SASH1: variants seen among roughly 807,000 people sequenced by gnomAD.
SASH1 encodes SAM and SH3 domain-containing protein 1.
In SASH1, 44 loss-of-function variants were observed where a neutral mutation model predicts 125.2. The ratio of observed to expected loss-of-function variants is 0.35; its 90% CI spans 0.28 to 0.45. The LOEUF (loss-of-function observed/expected upper bound fraction) is 0.45. Ranked by LOEUF, SASH1 falls within the 20% of genes least tolerant of loss-of-function variation. The pLI, the probability that SASH1 is intolerant of heterozygous loss-of-function variation, is 1.00. For missense variants in SASH1, 1,426 were observed against 1,614.5 expected, an observed-to-expected ratio of 0.88 and a Z score of 2.00; for synonymous variants, 639 against 649.1, an observed-to-expected ratio of 0.98 and a Z score of 0.24.
intron 2 of SASH1, among the ~76,000 whole-genome samples, chr6:148,431,224 G>A (rs1776046178): frequency 3.3e-5 from 5 of 151,402 alleles, no homozygotes; most frequent in South Asian, 2.1e-4. Flanking sequence ...TTTTTGAGAC[G>A]GAGTCACTCT....
intron 2 of SASH1, among the ~76,000 whole-genome samples, chr6:148,421,215 A>AAG (rs1554255027): frequency 4.1e-4 from 51 of 125,608 alleles, no homozygotes; most frequent in Non-Finnish European, 4.0e-4. Context: ...GAAAGAAAGA[A>AAG]AAAGAAAGAA....
chr6:148,530,319 G>A (rs1434064588), intron 12 of SASH1, among the ~76,000 whole-genome samples: 1 of 152,078 alleles, frequency 6.6e-6, no homozygotes, highest in African/African-American at 2.4e-5. Context: ...CAAACTGCGT[G>A]CTTTTTTCAG....
At chr6:148,231,393 T>C in the SASH1 span, among the ~76,000 whole-genome samples, 4 of 152,210 alleles carry the variant, frequency 2.6e-5, no homozygotes, top group Admixed American at 1.3e-4. Flanking sequence ...GGACAAAATT[T>C]TGGAATTGGG....
intron 8 of SASH1, chr6:148,513,938 T>C: frequency 4.0e-6 from 4 of 990,946 alleles, no homozygotes; most frequent in Non-Finnish European, 4.8e-6. Flanking sequence ...CAAGCCCTGA[T>C]GGGCCAGACA....
At chr6:148,356,130 G>C (rs1781928917) in intron 1 of SASH1, among the ~76,000 whole-genome samples, 1 of 150,476 alleles carries the variant, frequency 6.6e-6, no homozygotes, top group Non-Finnish European at 1.5e-5. Context: ...TATCCCCCAG[G>C]CTGGAGTGCA....
intron 4 of SASH1, among the ~76,000 whole-genome samples, chr6:148,460,840 A>T (rs1413556862): frequency 2.0e-5 from 3 of 152,216 alleles, no homozygotes; most frequent in African/African-American, 4.8e-5. Context: ...AGTAGAAGAG[A>T]AATCCTTGTG....
At chr6:148,459,512 C>T (rs1777518693) in intron 4 of SASH1, among the ~76,000 whole-genome samples, 1 of 152,196 alleles carries the variant, frequency 6.6e-6, no homozygotes, top group South Asian at 2.1e-4. Context: ...AATGAAAGGA[C>T]ACAAATCTCT....
At chr6:148,276,100 A>G (rs908746459) in intron 1 of SASH1, among the ~76,000 whole-genome samples, 9 of 152,216 alleles carry the variant, frequency 5.9e-5, no homozygotes, top group African/African-American at 9.6e-5. Flanking sequence ...ATAGGCACCA[A>G]CACTGGCTCT....
At chr6:148,248,303 C>A in the SASH1 span, among the ~76,000 whole-genome samples, 1 of 152,178 alleles carries the variant, frequency 6.6e-6, no homozygotes, top group Non-Finnish European at 1.5e-5. Flanking sequence ...GCAGTAAGGG[C>A]ATTTTCCTGT....
intron 1 of SASH1, among the ~76,000 whole-genome samples, chr6:148,305,993 T>C (rs1313650999): frequency 6.6e-6 from 1 of 152,200 alleles, no homozygotes; most frequent in Non-Finnish European, 1.5e-5. Flanking sequence ...GTGATTATTA[T>C]ATGCTTGTAT....
chr6:148,322,900 C>CT lies in SASH1; in HGVS notation n.74+50524dup, dbSNP rs1443698620. Among the ~76,000 whole-genome samples the CT allele has an allele frequency of 1.5e-4, 19 of 129,374 alleles. 2 individuals are homozygous for CT. The highest frequency in any genetic ancestry group is 2.6e-4 in the South Asian group (1 of 3,862). 84.9% of individuals were successfully genotyped at this position (129,374 alleles called of 152,430 possible). A position where few individuals can be genotyped will look rare whatever the true frequency, so the allele number is the denominator to read the frequency against. On this transcript the variant is annotated intron_variant and non_coding_transcript_variant, in intron 1 of 3. Coordinates refer to the SASH1 transcript ENST00000367469. The stretch of plus-strand genomic sequence containing the variant: ...CTTTCTTTCTTTTTCTTCTTTCTTT[C>CT]TCTCTCTTTCTTTCTTTTTTCTTTC...
intron 1 of SASH1, among the ~76,000 whole-genome samples, chr6:148,314,631 G>A (rs1392325254): frequency 1.3e-5 from 2 of 152,048 alleles, no homozygotes; most frequent in African/African-American, 2.4e-5. Context: ...GGCATTCTTT[G>A]TATTTTCTTT....
intron 4 of SASH1, among the ~76,000 whole-genome samples, chr6:148,441,566 A>AT (rs1776548639): frequency 6.6e-6 from 1 of 152,132 alleles, no homozygotes; most frequent in Admixed American, 6.5e-5. Context: ...TCAAGTTGAC[A>AT]TTGACTTTGA....
chr6:148,511,324 T>TACACACACACACACACACAC (rs58822082), intron 8 of SASH1, among the ~76,000 whole-genome samples: 12 of 135,384 alleles, frequency 8.9e-5, no homozygotes, highest in Admixed American at 1.5e-4. Context: ...AATTTTCTAT[T>TACACACACACACACACACAC]ACACACACAC....
chr6:148,357,131 G>C (rs779536157), intron 1 of SASH1, among the ~76,000 whole-genome samples: 55 of 152,106 alleles, frequency 3.6e-4, no homozygotes, highest in Non-Finnish European at 6.3e-4. Flanking sequence ...CCACTCTGTG[G>C]GTTGTCTGTT....
intron 4 of SASH1, among the ~76,000 whole-genome samples, chr6:148,447,814 T>G (rs1035822318): frequency 6.6e-6 from 1 of 152,098 alleles, no homozygotes; most frequent in South Asian, 2.1e-4. Context: ...GCCCTTGCTA[T>G]GTGCTCCCTA....
intron 1 of SASH1, among the ~76,000 whole-genome samples, chr6:148,369,731 AT>A (rs1324490022): frequency 6.6e-6 from 1 of 152,130 alleles, no homozygotes; most frequent in Non-Finnish European, 1.5e-5. Flanking sequence ...AGACGGGTGG[AT>A]CATTTGAGGT....
intron 8 of SASH1, among the ~76,000 whole-genome samples, chr6:148,492,205 G>A (rs1779136401): frequency 1.3e-5 from 2 of 152,170 alleles, no homozygotes; most frequent in Non-Finnish European, 2.9e-5. Flanking sequence ...AGCTTGTTTT[G>A]TTTAGGAAAA....
the SASH1 span, among the ~76,000 whole-genome samples, chr6:148,206,510 C>A: frequency 6.6e-6 from 1 of 152,042 alleles, no homozygotes. Context: ...AATTAACAGG[C>A]CAGGTGCAGT....
Sources: allele counts gnomAD v4.1 joint callset (sites outside exome capture counted in the v4.1 genomes callset), GRCh38; gene constraint gnomAD v4.1.1; transcripts MANE v1.5; gene names NCBI Gene and HGNC (gene_info 2026-07-23, HGNC 2026-07-21).